FBXW7: variants seen among roughly 807,000 people sequenced by gnomAD.
FBXW7 encodes F-box and WD repeat domain containing 7, also known as F-box/WD repeat-containing protein 7.
FBXW7 carries 11 observed loss-of-function variants against 86.3 expected under a neutral mutation model. The ratio of observed to expected loss-of-function variants is 0.13; its 90% CI spans 0.08 to 0.21. FBXW7 has a LOEUF of 0.21. Ranked by LOEUF, FBXW7 falls within the 10% of genes least tolerant of loss-of-function variation. The pLI is 1.00. For missense variants in FBXW7, 488 were observed against 847.4 expected, an observed-to-expected ratio of 0.58 and a Z score of 5.27; for synonymous variants, 313 against 297.9, an observed-to-expected ratio of 1.05 and a Z score of -0.52.
chr4:152,329,453 G>GA (rs1374154585), intron 10 of FBXW7, among the ~76,000 whole-genome samples: 1 of 151,432 alleles, frequency 6.6e-6, no homozygotes, highest in African/African-American at 2.4e-5. Flanking sequence ...CTATGTAAAT[G>GA]AAAAAAAATT....
chr4:152,492,264 C>T (rs1745930673), intron 2 of FBXW7, among the ~76,000 whole-genome samples: 1 of 151,932 alleles, frequency 6.6e-6, no homozygotes, highest in Admixed American at 6.6e-5. Context: ...ATGAATATAC[C>T]AAAAAATTTT....
At chr4:152,515,232 T>C (rs1339854123) in intron 2 of FBXW7, among the ~76,000 whole-genome samples, 1 of 152,186 alleles carries the variant, frequency 6.6e-6, no homozygotes, top group African/African-American at 2.4e-5. Flanking sequence ...AAATAGCCTG[T>C]CTCCATCTCC....
intron 2 of FBXW7, among the ~76,000 whole-genome samples, chr4:152,505,002 C>A (rs560199037): frequency 2.6e-5 from 4 of 152,108 alleles, no homozygotes; most frequent in Admixed American, 2.6e-4. Flanking sequence ...ATGTGTCAGG[C>A]AATTTCTTCT....
intron 13 of FBXW7, chr4:152,323,952 T>G (rs1424786506): frequency 6.4e-6 from 3 of 471,156 alleles, no homozygotes; most frequent in Non-Finnish European, 1.1e-5. Context: ...GTAGAGTCAA[T>G]TGAACATGCA....
rs759573736 is a variant in FBXW7 at position 152,322,886 on chromosome 4, T to G, written c.2119A>C (p.Lys707Gln). ...LLVLDFDVDM[K>Q] ...AAATTCATCTTTTCTGCTCTTCACTTCATGTCCACATCAAAGTCCAGCACC... is the reference window on the plus strand; with the variant it reads ...AAATTCATCTTTTCTGCTCTTCACTGCATGTCCACATCAAAGTCCAGCACC... Residue 707 changes from lysine to glutamine, a missense_variant, in exon 14 of 14, where the codon AAG (lysine) becomes CAG (glutamine). Coordinates refer to ENST00000281708, the MANE Select transcript of FBXW7 (RefSeq NM_001349798.2). 2.5e-5 allele frequency: 40 copies of G among 1,613,522 alleles called. No individual in the cohort carries two copies. The highest frequency in any genetic ancestry group is 3.2e-5 in the Non-Finnish European group (38 of 1,179,702).
intron 7 of FBXW7, among the ~76,000 whole-genome samples, chr4:152,336,305 T>C (rs1223419312): frequency 6.6e-6 from 1 of 152,114 alleles, no homozygotes; most frequent in Non-Finnish European, 1.5e-5. Context: ...TGATTATTTG[T>C]TTTTAATTCT....
intron 4 of FBXW7, among the ~76,000 whole-genome samples, chr4:152,358,520 A>AG (rs991104105): frequency 6.6e-6 from 1 of 152,152 alleles, no homozygotes; most frequent in African/African-American, 2.4e-5. Context: ...CTAAAAAAAA[A>AG]AAAAAGGTAT....
intron 2 of FBXW7, among the ~76,000 whole-genome samples, chr4:152,500,591 C>T (rs1746847832): frequency 6.6e-6 from 1 of 150,542 alleles, no homozygotes; most frequent in Admixed American, 6.6e-5. Flanking sequence ...TATAGTCTGA[C>T]TCCAGTTACA....
chr4:152,519,059 G>A (rs1748764955), intron 2 of FBXW7, among the ~76,000 whole-genome samples: 2 of 152,214 alleles, frequency 1.3e-5, no homozygotes, highest in Non-Finnish European at 2.9e-5. Context: ...AGCATTTTGA[G>A]AGGTGAAGGT....
chr4:152,327,925 G>GA (rs1459386429), intron 11 of FBXW7, among the ~76,000 whole-genome samples: 1 of 151,822 alleles, frequency 6.6e-6, no homozygotes, highest in East Asian at 1.9e-4. Flanking sequence ...TGAATATGAT[G>GA]AGTCATCAAA....
rs1347221275 is a variant in FBXW7, at chr4:152,470,661, AAAT to A, written c.-119-58135_-119-58133del. ...TAATTTTATAATAAACTTATAGTAC[AAAT>A]CCTTTGCATCAAGTCGAGTCCAATT... On this transcript the variant is annotated intron_variant, in intron 2 of 13. Transcript: ENST00000281708. 6.6e-5 allele frequency among the ~76,000 whole-genome samples: 10 copies of A among 152,264 alleles called. No homozygotes were observed. The South Asian group carries it at 1.4e-3, about 22-fold the overall frequency.
At chr4:152,363,001 A>T (rs1733134806) in intron 4 of FBXW7, among the ~76,000 whole-genome samples, 1 of 152,146 alleles carries the variant, frequency 6.6e-6, no homozygotes, top group Admixed American at 6.5e-5. Context: ...CAATAAACAG[A>T]TTTTGTTAGA....
At chr4:152,372,514 T>C (rs527951718) in intron 4 of FBXW7, among the ~76,000 whole-genome samples, 6 of 151,926 alleles carry the variant, frequency 3.9e-5, no homozygotes, top group Non-Finnish European at 8.8e-5. Flanking sequence ...AAGATGACTG[T>C]TTTATGTTAG....
intron 2 of FBXW7, among the ~76,000 whole-genome samples, chr4:152,475,690 C>T (rs746941302): frequency 3.3e-5 from 5 of 152,004 alleles, no homozygotes; most frequent in Admixed American, 2.6e-4. Context: ...ATGTAAAAAT[C>T]GACCATATTT....
chr4:152,353,022 CT>C, intron 4 of FBXW7: 1 of 1,207,544 alleles, frequency 8.3e-7, no homozygotes, highest in Non-Finnish European at 1.0e-6. Context: ...CGACAGCCCC[CT>C]CTCCCCTTTC....
intron 2 of FBXW7, among the ~76,000 whole-genome samples, chr4:152,467,888 A>C (rs1394832506): frequency 1.3e-5 from 2 of 152,222 alleles, no homozygotes; most frequent in South Asian, 2.1e-4. Flanking sequence ...TCCATAGGAG[A>C]AAATATTTGC....
intron 2 of FBXW7, among the ~76,000 whole-genome samples, chr4:152,478,688 G>A (rs542067647): frequency 6.6e-6 from 1 of 152,168 alleles, no homozygotes; most frequent in African/African-American, 2.4e-5. Context: ...CACCAGTAGT[G>A]CAGGCATGGT....
intron 2 of FBXW7, among the ~76,000 whole-genome samples, chr4:152,518,294 T>C (rs1748695511): frequency 6.6e-6 from 1 of 152,088 alleles, no homozygotes; most frequent in South Asian, 2.1e-4. Context: ...CAGCCTACTA[T>C]TTTATTTATT....
intron 4 of FBXW7, among the ~76,000 whole-genome samples, chr4:152,376,958 G>C (rs773549608): frequency 6.6e-6 from 1 of 151,802 alleles, no homozygotes; most frequent in South Asian, 2.1e-4. Flanking sequence ...AAACTTAAAA[G>C]GGATTACACA....
Sources: gnomAD v4.1 joint callset for allele counts (sites outside exome capture counted in the v4.1 genomes callset) on GRCh38, gnomAD v4.1.1 for gene constraint, MANE v1.5 for transcripts, NCBI Gene and HGNC (gene_info 2026-07-23, HGNC 2026-07-21) for gene names.